GRM3: variants seen among roughly 807,000 people sequenced by gnomAD.
GRM3 encodes glutamate metabotropic receptor 3.
Under a neutral mutation model 70.5 loss-of-function variants are expected in GRM3, and 26 were observed. The ratio of observed to expected loss-of-function variants is 0.37; its 90% CI spans 0.27 to 0.51. The LOEUF (loss-of-function observed/expected upper bound fraction) is 0.51, where lower values mean the gene tolerates loss of function less well. Ranked by LOEUF, GRM3 falls within the 20% of genes least tolerant of loss-of-function variation. The pLI is 0.93. For synonymous variants in GRM3, 443 were observed against 434.9 expected, an observed-to-expected ratio of 1.02 and a Z score of -0.23; for missense variants, 859 against 1,123.8, an observed-to-expected ratio of 0.76 and a Z score of 3.37.
chr7:86,647,261 A>G (rs1398530846), intron 1 of GRM3, among the ~76,000 whole-genome samples: 1 of 152,164 alleles, frequency 6.6e-6, no homozygotes, highest in Non-Finnish European at 1.5e-5. Flanking sequence ...TGCCAAATAA[A>G]ACTGTTGTCT....
chr7:86,677,764 C>CT (rs1794342380), intron 1 of GRM3, among the ~76,000 whole-genome samples: 1 of 151,734 alleles, frequency 6.6e-6, no homozygotes, highest in African/African-American at 2.4e-5. Context: ...ATCAAGGAGA[C>CT]TTTAAGATGG....
rs1049369068 is a variant in GRM3 at position 86,739,536 on chromosome 7, G to C, written c.-140-25470G>C. ...GGCCTTACCTCTACCTGAAGGGAAT[G>C]AACTAAATCAGTGGTTCTCAGAATT... On this transcript the variant is annotated intron_variant, in intron 1 of 5. Coordinates refer to ENST00000361669, the MANE Select transcript of GRM3 (RefSeq NM_000840.3). 3.9e-5 allele frequency among the ~76,000 whole-genome samples: 6 copies of C among 152,308 alleles called. No individual in the cohort carries two copies. In the East Asian group the frequency reaches 1.2e-3, roughly 29 times the overall value.
At chr7:86,699,252 C>G (rs1794897022) in intron 1 of GRM3, among the ~76,000 whole-genome samples, 1 of 151,896 alleles carries the variant, frequency 6.6e-6, no homozygotes, top group African/African-American at 2.4e-5. Flanking sequence ...GAGGTTAACA[C>G]CTACCAGCTT....
rs566314026 is a variant in GRM3, at chr7:86,665,827, C to T, written c.-141+20955C>T. Among the ~76,000 whole-genome samples the T allele has an allele frequency of 2.6e-5, 4 of 152,136 alleles. No homozygotes were observed. The East Asian group carries it at 7.7e-4, about 29-fold the overall frequency. ...TGTTGTAGCTTTAATAACTTCTGCA[C>T]TGCAGTGATTATGAAACTAAAGCAT... On this transcript the variant is annotated intron_variant, in intron 1 of 5. Transcript: ENST00000361669.
chr7:86,778,259 A>G (rs922787605), intron 2 of GRM3, among the ~76,000 whole-genome samples: 1 of 152,182 alleles, frequency 6.6e-6, no homozygotes, highest in Non-Finnish European at 1.5e-5. Context: ...TGTCATCTGG[A>G]ATTTTTGTAG....
intron 1 of GRM3, among the ~76,000 whole-genome samples, chr7:86,652,499 T>C (rs1793632783): frequency 6.6e-6 from 1 of 151,986 alleles, no homozygotes; most frequent in Admixed American, 6.6e-5. Context: ...CCCAACTAAT[T>C]TTTGTATTTT....
chr7:86,784,290 C>A (rs1322241990), intron 2 of GRM3: 1 of 151,660 alleles, frequency 6.6e-6, no homozygotes, highest in Non-Finnish European at 1.5e-5. Flanking sequence ...AGGATTGTTT[C>A]ACTGTGATTC....
intron 1 of GRM3, among the ~76,000 whole-genome samples, chr7:86,675,027 G>A (rs112506626): frequency 0.033 from 4,956 of 152,054 alleles, 263 homozygotes; most frequent in African/African-American, 0.11. Context: ...ACAATAACTT[G>A]CACATATTCT....
intron 2 of GRM3, among the ~76,000 whole-genome samples, chr7:86,766,798 A>G (rs1011519728): frequency 6.6e-6 from 1 of 152,170 alleles, no homozygotes; most frequent in African/African-American, 2.4e-5. Context: ...TCAAAGCCCC[A>G]AGCACTAAAA....
In GRM3 at chr7:86,848,053, A is replaced by C. The variant is rs531637084; in HGVS notation, c.2392-2317A>C. ...TATTCAAACACCAAATGTTCACTAC[A>C]TGTGAGGCTCAGTTCTGGTGCTGGG... is the stretch of plus-strand genomic sequence containing the variant. On this transcript the variant is annotated intron_variant, in intron 4 of 5. Coordinates refer to ENST00000361669, the MANE Select transcript of GRM3 (RefSeq NM_000840.3). 2.0e-5 allele frequency among the ~76,000 whole-genome samples: 3 copies of C among 152,312 alleles called. No individual in the cohort carries two copies. In the South Asian group the frequency reaches 6.2e-4, roughly 32 times the overall value.
intron 2 of GRM3, among the ~76,000 whole-genome samples, chr7:86,769,179 G>A (rs1319770977): frequency 1.3e-5 from 2 of 152,026 alleles, no homozygotes; most frequent in East Asian, 1.9e-4. Flanking sequence ...TGTGGTAACC[G>A]TGGTGACAGT....
chr7:86,738,259 G>T (rs138403250), intron 1 of GRM3, among the ~76,000 whole-genome samples: 1 of 152,314 alleles, frequency 6.6e-6, no homozygotes, highest in African/African-American at 2.4e-5. Context: ...AGAAAATGGA[G>T]CTAGACTGGA....
intron 1 of GRM3, among the ~76,000 whole-genome samples, chr7:86,722,764 A>G (rs1562838735): frequency 6.6e-6 from 1 of 152,068 alleles, no homozygotes; most frequent in Non-Finnish European, 1.5e-5. Context: ...AAAAATCCAC[A>G]TATAAGCAAA....
Position 86,773,992 on chromosome 7 carries a change from G to A in GRM3, c.468+8379G>A, listed in dbSNP as rs186382355. ...CAGGTGTCTATGATGGAGGTCACGC[G>A]ATAAAAAGCAAAGAATACAGACATT... On this transcript the variant is annotated intron_variant, in intron 2 of 5. Coordinates refer to ENST00000361669, the MANE Select transcript of GRM3 (RefSeq NM_000840.3). Among the ~76,000 whole-genome samples, 541 of 152,140 alleles carry A rather than the reference G, an allele frequency of 3.6e-3. 1 individual carries two copies. The highest frequency in any genetic ancestry group is 4.7e-3 in the Non-Finnish European group (319 of 67,974).
At chr7:86,742,718 T>C (rs1422804618) in intron 1 of GRM3, among the ~76,000 whole-genome samples, 1 of 152,078 alleles carries the variant, frequency 6.6e-6, no homozygotes, top group Non-Finnish European at 1.5e-5. Context: ...AAAATTCTTA[T>C]TGAATCATAT....
rs59978043 is a variant in GRM3 at position 86,654,245 on chromosome 7, CT to C, written c.-141+9376del. On this transcript the variant is annotated intron_variant, in intron 1 of 5. Coordinates refer to ENST00000361669, the MANE Select transcript of GRM3 (RefSeq NM_000840.3). Reference sequence around the variant, plus strand: ...ACCTCCCAGGGGTTTTGTGCTCCCTCTTTGCCTTCACTGGAATGCTACACTT... The same window carrying C: ...ACCTCCCAGGGGTTTTGTGCTCCCTCTTGCCTTCACTGGAATGCTACACTT... 6.9e-3 allele frequency among the ~76,000 whole-genome samples: 1,046 copies of C among 152,322 alleles called. 19 individuals are homozygous for C. The highest frequency in any genetic ancestry group is 0.024 in the African/African-American group (982 of 41,564).
chr7:86,850,506 G>C lies in GRM3; in HGVS notation c.2528G>C (p.Arg843Thr), dbSNP rs1203741428. The change falls in exon 5 of 6, where the codon AGG (arginine) becomes ACG (threonine). Residue 843 changes from arginine (R) to threonine (T), a missense_variant. Physicochemically the swap from Arg to Thr is moderately conservative, Grantham distance 71. Coordinates refer to ENST00000361669, the MANE Select transcript of GRM3 (RefSeq NM_000840.3). Reference sequence around the variant, plus strand: ...GTCACACACAGACTGCACCTCAACAGGTTCAGTGTCAGTGGAACTGGGACC... The same window carrying C: ...GTCACACACAGACTGCACCTCAACACGTTCAGTGTCAGTGGAACTGGGACC... Reference protein sequence around the residue: ...NVVTHRLHLNRFSVSGTGTTY... With the variant: ...NVVTHRLHLNTFSVSGTGTTY... 1.9e-6 allele frequency: 3 copies of C among 1,611,774 alleles called. No individual in the cohort carries two copies. The highest frequency in any genetic ancestry group is 2.5e-6 in the Non-Finnish European group (3 of 1,178,172).
intron 1 of GRM3, among the ~76,000 whole-genome samples, chr7:86,696,979 A>T (rs943837175): frequency 4.6e-5 from 7 of 152,202 alleles, no homozygotes; most frequent in Non-Finnish European, 1.0e-4. Context: ...TTCCTATCCT[A>T]TTGGGAATAT....
chr7:86,854,118 C>G (rs1431325271), intron 5 of GRM3, among the ~76,000 whole-genome samples: 1 of 152,188 alleles, frequency 6.6e-6, no homozygotes, highest in Non-Finnish European at 1.5e-5. Context: ...AATTATGCCA[C>G]ACTTTCCAAA....
Sources: gnomAD v4.1 joint callset for allele counts (sites outside exome capture counted in the v4.1 genomes callset) on GRCh38, gnomAD v4.1.1 for gene constraint, MANE v1.5 for transcripts, NCBI Gene and HGNC (gene_info 2026-07-23, HGNC 2026-07-21) for gene names.